The following SH3BGR variants were observed in gnomAD, a reference collection of about 807,000 sequenced individuals.
SH3BGR encodes the protein SH3 domain-binding glutamic acid-rich protein.
Under a neutral mutation model 24.5 loss-of-function variants are expected in SH3BGR, and 29 were observed. The ratio of observed to expected loss-of-function variants is 1.18; its 90% CI spans 0.88 to 1.61. The LOEUF (loss-of-function observed/expected upper bound fraction) is 1.61. SH3BGR is among the 40% of genes most tolerant of loss of function. The pLI is 0.00. For synonymous variants in SH3BGR, 55 were observed against 65.7 expected (o/e 0.84, Z 0.79); for missense variants, 162 against 205.8 (o/e 0.79, Z 1.30).
At chr21:39,486,191 T>C (rs544738992) in intron 3 of SH3BGR, among the ~76,000 whole-genome samples, 15 of 152,280 alleles carry the variant, frequency 9.9e-5, no homozygotes, top group African/African-American at 3.4e-4. Flanking sequence ...AAACTTAAAA[T>C]GGGTGCCATT....
At chr21:39,497,468 GACTAAAA>G (rs2078417735) in intron 3 of SH3BGR, among the ~76,000 whole-genome samples, 1 of 151,624 alleles carries the variant, frequency 6.6e-6, no homozygotes, top group Admixed American at 6.6e-5. Context: ...CCCATAAAAA[GACTAAAA>G]ACTAAAAAAA....
intron 3 of SH3BGR, among the ~76,000 whole-genome samples, chr21:39,480,586 T>C (rs1476043972): frequency 6.6e-6 from 1 of 152,254 alleles, no homozygotes; most frequent in Non-Finnish European, 1.5e-5. Context: ...ATTTTACACA[T>C]CCATTCCTCA....
chr21:39,494,526 T>C (rs993580781), intron 3 of SH3BGR, among the ~76,000 whole-genome samples: 2 of 152,120 alleles, frequency 1.3e-5, no homozygotes, highest in Non-Finnish European at 2.9e-5. Flanking sequence ...TTCAACACCT[T>C]GGATGTGTTT....
chr21:39,468,895 TG>T, intron 2 of SH3BGR, among the ~76,000 whole-genome samples: 1 of 152,228 alleles, frequency 6.6e-6, no homozygotes, highest in Non-Finnish European at 1.5e-5. Context: ...TTGCTAGGCT[TG>T]GGTTCTTCTC....
chr21:39,465,809 C>G (rs2077832124), intron 2 of SH3BGR, among the ~76,000 whole-genome samples: 1 of 152,124 alleles, frequency 6.6e-6, no homozygotes, highest in Admixed American at 6.6e-5. Context: ...CCAGGCTGGT[C>G]TCACACTCCT....
chr21:39,484,388 T>C (rs769886400), intron 3 of SH3BGR, among the ~76,000 whole-genome samples: 6 of 152,210 alleles, frequency 3.9e-5, no homozygotes, highest in East Asian at 3.8e-4. Context: ...ATTCTTCAAA[T>C]TGAATGTAAA....
chr21:39,508,121 G>C (rs768967719), intron 4 of SH3BGR, among the ~76,000 whole-genome samples: 3 of 152,198 alleles, frequency 2.0e-5, no homozygotes, highest in Non-Finnish European at 4.4e-5. Flanking sequence ...GCTGGGTAGA[G>C]AATGTATATG....
chr21:39,457,303 C>T (rs2077673913), intron 1 of SH3BGR, among the ~76,000 whole-genome samples: 2 of 141,314 alleles, frequency 1.4e-5, no homozygotes, highest in South Asian at 2.2e-4. Flanking sequence ...AATATAGTTA[C>T]ATATATAAAT....
At chr21:39,504,022 G>A (rs115316920) in intron 4 of SH3BGR, among the ~76,000 whole-genome samples, 38 of 152,356 alleles carry the variant, frequency 2.5e-4, no homozygotes, top group African/African-American at 8.7e-4. Context: ...GAAATGAACT[G>A]CAGACTGGGA....
chr21:39,497,105 G>A (rs1275031007), intron 3 of SH3BGR, among the ~76,000 whole-genome samples: 1 of 151,038 alleles, frequency 6.6e-6, no homozygotes, highest in Non-Finnish European at 1.5e-5. Flanking sequence ...ATTGGTCTTG[G>A]AACTAATACA....
chr21:39,483,883 G>C (rs1458807297), intron 3 of SH3BGR, among the ~76,000 whole-genome samples: 1 of 152,160 alleles, frequency 6.6e-6, no homozygotes, highest in Non-Finnish European at 1.5e-5. Flanking sequence ...TACCTCACTT[G>C]GTATTGGAAG....
chr21:39,478,174 G>C (rs1425730987), intron 3 of SH3BGR, among the ~76,000 whole-genome samples: 1 of 152,060 alleles, frequency 6.6e-6, no homozygotes, highest in East Asian at 1.9e-4. Context: ...TTACATATAT[G>C]ATATTGGAAA....
chr21:39,452,006 A>G lies in SH3BGR; in HGVS notation c.-91A>G. On this transcript the variant is annotated 5_prime_UTR_variant, in exon 1 of 7. Coordinates refer to ENST00000333634, the MANE Select transcript of SH3BGR (RefSeq NM_007341.3). The stretch of plus-strand genomic sequence containing the variant: ...GGGCTGCTGCCAGCCCCGACCTGGC[A>G]CTTGCTTGCCTGTGTCACTGTCAGG... The G allele has an allele frequency of 1.2e-6, 2 of 1,614,148 alleles. No individual in the cohort carries two copies. Among genetic ancestry groups the G allele is most frequent in the Non-Finnish European group, 1.7e-6 (2 of 1,180,022 alleles).
chr21:39,477,987 T>C (rs1025667454), intron 3 of SH3BGR, among the ~76,000 whole-genome samples: 1 of 152,192 alleles, frequency 6.6e-6, no homozygotes, highest in Admixed American at 6.5e-5. Flanking sequence ...TGAATACTTT[T>C]TTTTTGTGGT....
chr21:39,499,106 G>A (rs144178698), intron 3 of SH3BGR, among the ~76,000 whole-genome samples: 1,145 of 152,284 alleles, frequency 7.5e-3, no homozygotes, highest in Middle Eastern at 0.017. Context: ...ACAGCATGGA[G>A]GAAACCACCC....
intron 4 of SH3BGR, among the ~76,000 whole-genome samples, chr21:39,505,511 C>T (rs1191600424): frequency 6.6e-6 from 1 of 152,046 alleles, no homozygotes; most frequent in Non-Finnish European, 1.5e-5. Context: ...ACCTGTATTC[C>T]CAGCACTTCG....
chr21:39,503,362 A>G (rs1386785924), intron 4 of SH3BGR, among the ~76,000 whole-genome samples: 1 of 152,252 alleles, frequency 6.6e-6, no homozygotes, highest in Non-Finnish European at 1.5e-5. Context: ...AATGCAATGC[A>G]TTGGTGCATT....
At chr21:39,450,643 A>G (rs1174355348), upstream of SH3BGR, among the ~76,000 whole-genome samples, 1 of 152,204 alleles carries the variant, frequency 6.6e-6, no homozygotes, top group Non-Finnish European at 1.5e-5. Context: ...TCAGTTATCT[A>G]AGCTAAATAT....
chr21:39,470,094 T>C (rs1029788491), intron 2 of SH3BGR, among the ~76,000 whole-genome samples: 1 of 152,126 alleles, frequency 6.6e-6, no homozygotes, highest in Non-Finnish European at 1.5e-5. Flanking sequence ...AGTTTTGCAG[T>C]TTTTTTAATC....
Sources: allele counts gnomAD v4.1 joint callset (sites outside exome capture counted in the v4.1 genomes callset), GRCh38; gene constraint gnomAD v4.1.1; transcripts MANE v1.5; gene names NCBI Gene and HGNC (gene_info 2026-07-23, HGNC 2026-07-21).